AUTS2: variants seen among roughly 807,000 people sequenced by gnomAD.
AUTS2 encodes the protein activator of transcription and developmental regulator AUTS2, also known as autism susceptibility gene 2 protein.
A neutral mutation model predicts 112.4 loss-of-function variants in AUTS2; 17 were observed. That is an observed-to-expected ratio of 0.15 (90% CI 0.10 to 0.23). The LOEUF (loss-of-function observed/expected upper bound fraction) is 0.23, where lower values mean the gene tolerates loss of function less well. Ranked by LOEUF, AUTS2 falls within the 10% of genes least tolerant of loss-of-function variation. The pLI, the probability that AUTS2 is intolerant of heterozygous loss-of-function variation, is 1.00. For missense variants in AUTS2, 1,510 were observed against 1,701.6 expected, an observed-to-expected ratio of 0.89 and a Z score of 1.98; for synonymous variants, 751 against 702.7, an observed-to-expected ratio of 1.07 and a Z score of -1.09.
At chr7:69,794,402 G>A (rs749225376) in intron 1 of AUTS2, among the ~76,000 whole-genome samples, 10 of 152,160 alleles carry the variant, frequency 6.6e-5, no homozygotes, top group Non-Finnish European at 1.2e-4. Context: ...GGAATGATAT[G>A]GGAGAATTGC....
intron 5 of AUTS2, among the ~76,000 whole-genome samples, chr7:70,605,432 C>T (rs1165264264): frequency 2.6e-5 from 4 of 151,926 alleles, no homozygotes; most frequent in African/African-American, 9.7e-5. Flanking sequence ...AACAACACAA[C>T]CGTTTGAATC....
At chr7:69,725,244 A>G (rs146604483) in intron 1 of AUTS2, among the ~76,000 whole-genome samples, 218 of 152,316 alleles carry the variant, frequency 1.4e-3, no homozygotes, top group African/African-American at 5.1e-3. Context: ...GTATGCCAGG[A>G]CTTACCATGA....
intron 2 of AUTS2, among the ~76,000 whole-genome samples, chr7:70,011,166 C>T (rs1005665591): frequency 1.3e-5 from 2 of 152,176 alleles, no homozygotes; most frequent in African/African-American, 2.4e-5. Context: ...AGGGGAGCCA[C>T]TGAGGATGGA....
chr7:69,655,447 G>A (rs1403341685), intron 1 of AUTS2, among the ~76,000 whole-genome samples: 1 of 152,222 alleles, frequency 6.6e-6, no homozygotes, highest in Admixed American at 6.5e-5. Context: ...ATGGTCCCCA[G>A]TCCAGAAGTG....
intron 5 of AUTS2, among the ~76,000 whole-genome samples, chr7:70,557,818 A>G (rs891363669): frequency 6.6e-6 from 1 of 152,312 alleles, no homozygotes; most frequent in South Asian, 2.1e-4. Flanking sequence ...CAGCCAGCTG[A>G]GAGGCAACGA....
At chr7:70,151,137 A>G (rs1807413807) in intron 4 of AUTS2, among the ~76,000 whole-genome samples, 1 of 152,218 alleles carries the variant, frequency 6.6e-6, no homozygotes, top group Non-Finnish European at 1.5e-5. Context: ...CAAGGTAGCA[A>G]AAATTCAAAG....
chr7:70,238,581 C>T (rs1812445816), intron 4 of AUTS2, among the ~76,000 whole-genome samples: 1 of 152,168 alleles, frequency 6.6e-6, no homozygotes, highest in Non-Finnish European at 1.5e-5. Flanking sequence ...CAGCAGGCTA[C>T]TTTGAGCACC....
intron 1 of AUTS2, among the ~76,000 whole-genome samples, chr7:69,891,652 T>C (rs982399903): frequency 6.6e-6 from 1 of 152,088 alleles, no homozygotes; most frequent in Non-Finnish European, 1.5e-5. Flanking sequence ...GGTCATTCTT[T>C]CTTATTTCAG....
chr7:69,796,523 C>CA (rs57474916), intron 1 of AUTS2, among the ~76,000 whole-genome samples: 1,663 of 126,022 alleles, frequency 0.013, 24 homozygotes, highest in South Asian at 0.06. Flanking sequence ...ACTCTGTTTC[C>CA]AAAAAAAAAA....
intron 2 of AUTS2, among the ~76,000 whole-genome samples, chr7:69,996,432 G>A (rs918327312): frequency 9.2e-5 from 14 of 152,244 alleles, no homozygotes; most frequent in African/African-American, 2.9e-4. Flanking sequence ...AGGCCTGTTG[G>A]GAGCATTGAT....
chr7:70,283,781 GAA>G (rs986819916), intron 4 of AUTS2, among the ~76,000 whole-genome samples: 1 of 151,834 alleles, frequency 6.6e-6, no homozygotes, highest in Non-Finnish European at 1.5e-5. Flanking sequence ...GTTTTCAAAA[GAA>G]AAAAGAGTCT....
chr7:69,661,009 G>A (rs1343462525), intron 1 of AUTS2, among the ~76,000 whole-genome samples: 1 of 152,202 alleles, frequency 6.6e-6, no homozygotes, highest in African/African-American at 2.4e-5. Flanking sequence ...AAGTGGGAAC[G>A]CTGACAATCA....
At chr7:69,912,482 C>T (rs1030664657) in intron 2 of AUTS2, among the ~76,000 whole-genome samples, 2 of 152,240 alleles carry the variant, frequency 1.3e-5, no homozygotes, top group African/African-American at 4.8e-5. Flanking sequence ...CTGCTCCAGA[C>T]AGGCTGCCAC....
At position 70,737,819 on chromosome 7, in the gene AUTS2, C is replaced by T. The variant is rs953335359; in HGVS notation, c.743-25051C>T. On this transcript the variant is annotated intron_variant, in intron 6 of 18. Coordinates refer to ENST00000342771, the MANE Select transcript of AUTS2 (RefSeq NM_015570.4). ...AGAGCCCTTGGGCTTCATAGGTAAC[C>T]TTGAAAATGGAAACACATCATTGCC... 1.6e-4 allele frequency among the ~76,000 whole-genome samples: 24 copies of T among 152,240 alleles called. No homozygotes were observed. In the East Asian group the frequency reaches 4.4e-3, roughly 28 times the overall value.
chr7:69,748,910 T>C lies in AUTS2; in HGVS notation c.309+148948T>C, dbSNP rs201031374. Among the ~76,000 whole-genome samples, 4 of 152,300 alleles carry C rather than the reference T, an allele frequency of 2.6e-5. No individual in the cohort carries two copies. In the East Asian group the frequency reaches 7.7e-4, roughly 29 times the overall value. ...AAGTTTATTTGGGAAAATAAATCACTGATAACAGCATAAATACTGTGTTCC... is the reference window on the plus strand; with the variant it reads ...AAGTTTATTTGGGAAAATAAATCACCGATAACAGCATAAATACTGTGTTCC... On this transcript the variant is annotated intron_variant, in intron 1 of 18. Coordinates refer to ENST00000342771, the MANE Select transcript of AUTS2 (RefSeq NM_015570.4).
intron 1 of AUTS2, among the ~76,000 whole-genome samples, chr7:69,840,992 A>G (rs1791954205): frequency 6.6e-6 from 1 of 152,250 alleles, no homozygotes; most frequent in Admixed American, 6.5e-5. Flanking sequence ...ACAAATTACC[A>G]GCAAAGGGGA....
chr7:70,388,667 C>G (rs1793718660), intron 4 of AUTS2, among the ~76,000 whole-genome samples: 1 of 152,148 alleles, frequency 6.6e-6, no homozygotes, highest in South Asian at 2.1e-4. Context: ...CTGACCCTCT[C>G]TATACTTATT....
At chr7:70,124,851 G>A (rs988387113) in intron 3 of AUTS2, among the ~76,000 whole-genome samples, 3 of 152,180 alleles carry the variant, frequency 2.0e-5, no homozygotes, top group Non-Finnish European at 4.4e-5. Flanking sequence ...GTGAGCCACC[G>A]CGCCCAGCCC....
intron 5 of AUTS2, among the ~76,000 whole-genome samples, chr7:70,595,164 A>G (rs1022447528): frequency 2.8e-4 from 43 of 151,908 alleles, no homozygotes; most frequent in African/African-American, 9.9e-4. Context: ...GCACTGCAGC[A>G]ACCGCTGTTA....
Sources: allele counts gnomAD v4.1 joint callset (sites outside exome capture counted in the v4.1 genomes callset), GRCh38; gene constraint gnomAD v4.1.1; transcripts MANE v1.5; gene names NCBI Gene and HGNC (gene_info 2026-07-23, HGNC 2026-07-21).